The following VIT variants were observed in gnomAD, a reference collection of about 807,000 sequenced individuals.
The protein encoded by VIT is vitrin.
In VIT, 99 loss-of-function variants were observed where a neutral mutation model predicts 78.0. The observed-to-expected ratio is 1.27, with a 90% CI of 1.08 to 1.50. The LOEUF is 1.50. VIT is among the 40% of genes most tolerant of loss of function. The probability of loss-of-function intolerance (pLI) is 0.00; values close to 1 mark genes in which losing one functional copy is unlikely to be tolerated. For missense variants in VIT, 1,126 were observed against 875.3 expected, an observed-to-expected ratio of 1.29 and a Z score of -3.61; for synonymous variants, 374 against 334.3, an observed-to-expected ratio of 1.12 and a Z score of -1.29.
At chr2:36,725,379 C>A (rs1666767208) in intron 2 of VIT, among the ~76,000 whole-genome samples, 1 of 152,074 alleles carries the variant, frequency 6.6e-6, no homozygotes, top group Non-Finnish European at 1.5e-5. Context: ...CTGATGGATT[C>A]AGAGTCTGGT....
Position 36,765,040 on chromosome 2 carries a change from G to T in VIT, c.488-2054G>T, listed in dbSNP as rs144852489. Among the ~76,000 whole-genome samples the T allele has an allele frequency of 2.2e-3, 340 of 152,170 alleles. 1 individual carries two copies. The highest frequency in any genetic ancestry group is 7.9e-3 in the African/African-American group (327 of 41,514). ...GTAGGCTGAAAAACACCCTGGAAAA[G>T]ATATCCATGTCCTAATCCCTGGAAC... is the stretch of plus-strand genomic sequence containing the variant. On this transcript the variant is annotated intron_variant, in intron 6 of 15. Coordinates refer to ENST00000379242, the MANE Select transcript of VIT (RefSeq NM_053276.4).
At chr2:36,698,492 A>G (rs1664811644) in intron 1 of VIT, among the ~76,000 whole-genome samples, 2 of 152,192 alleles carry the variant, frequency 1.3e-5, no homozygotes. Context: ...GCCACTACCT[A>G]TTACCTTGGA....
At chr2:36,701,067 C>A (rs1233451387) in intron 1 of VIT, among the ~76,000 whole-genome samples, 1 of 148,882 alleles carries the variant, frequency 6.7e-6, no homozygotes, top group Non-Finnish European at 1.5e-5. Flanking sequence ...TCTTTGCCAT[C>A]CCTGAAAACA....
At position 36,808,723 on chromosome 2, in the gene VIT, G is replaced by A; in HGVS notation, c.1641G>A (p.Thr547=). 1 of 1,614,150 alleles carries A rather than the reference G, an allele frequency of 6.2e-7. No homozygotes were observed. Among genetic ancestry groups the A allele is most frequent in the Non-Finnish European group, 8.5e-7 (1 of 1,180,046 alleles). The stretch of plus-strand genomic sequence containing the variant: ...AGTTTGAGATTTCCGACACGGACAC[G>A]CGCATCGGGGCCGTGCAGTACACCT... ...TKEFEISDTD[T]RIGAVQYTYE... Residue 547 remains threonine (T), a synonymous_variant, in exon 15 of 16, where the codon ACG becomes ACA. Coordinates refer to ENST00000379242, the MANE Select transcript of VIT (RefSeq NM_053276.4).
intron 12 of VIT, among the ~76,000 whole-genome samples, chr2:36,794,510 G>C (rs1435498185): frequency 6.6e-6 from 1 of 152,094 alleles, no homozygotes; most frequent in Non-Finnish European, 1.5e-5. Context: ...ATATACGCTG[G>C]TCCTGAGACC....
intron 1 of VIT, among the ~76,000 whole-genome samples, chr2:36,703,945 T>TGGAGACTCGCTC: frequency 6.9e-6 from 1 of 144,960 alleles, no homozygotes; most frequent in African/African-American, 2.5e-5. Flanking sequence ...TGTTTTTTTT[T>TGGAGACTCGCTC]TTTGGAGACT....
intron 4 of VIT, among the ~76,000 whole-genome samples, chr2:36,750,474 C>T (rs1046405225): frequency 3.3e-5 from 5 of 152,114 alleles, no homozygotes; most frequent in Admixed American, 2.0e-4. Context: ...TTCACACTTC[C>T]GAGGCAGTAT....
At chr2:36,725,362 C>A (rs1259498461) in intron 2 of VIT, among the ~76,000 whole-genome samples, 1 of 152,114 alleles carries the variant, frequency 6.6e-6, no homozygotes, top group East Asian at 1.9e-4. Flanking sequence ...AGTCCAAGAT[C>A]AGGGTGCTGA....
chr2:36,768,972 C>T (rs947792859), intron 7 of VIT, among the ~76,000 whole-genome samples: 1 of 152,142 alleles, frequency 6.6e-6, no homozygotes, highest in African/African-American at 2.4e-5. Flanking sequence ...AAGAATACCG[C>T]AAAAAGAATT....
chr2:36,714,528 A>G (rs1006473387), intron 1 of VIT, among the ~76,000 whole-genome samples: 3 of 152,134 alleles, frequency 2.0e-5, no homozygotes, highest in African/African-American at 7.2e-5. Flanking sequence ...CCACACAACC[A>G]TGGCACTGGA....
chr2:36,716,545 A>G, intron 2 of VIT, 123 bp downstream of exon 2: 3 of 781,446 alleles, frequency 3.8e-6, no homozygotes, highest in Non-Finnish European at 6.2e-6. Flanking sequence ...ATCATTTTAT[A>G]AGAAACATTT....
intron 12 of VIT, among the ~76,000 whole-genome samples, chr2:36,791,223 G>A (rs1302227608): frequency 1.3e-5 from 2 of 152,108 alleles, no homozygotes; most frequent in Non-Finnish European, 2.9e-5. Flanking sequence ...CTCTGACTTG[G>A]CCGCATCTCC....
At chr2:36,801,250 C>T in intron 12 of VIT, 51 bp from the exon 13 acceptor site, 3 of 1,493,374 alleles carry the variant, frequency 2.0e-6, no homozygotes, top group South Asian at 2.3e-5. Flanking sequence ...TGCCTTCCTC[C>T]AAAGGTATTA....
At chr2:36,782,277 T>C (rs895764588) in intron 10 of VIT, among the ~76,000 whole-genome samples, 2 of 152,160 alleles carry the variant, frequency 1.3e-5, no homozygotes. Context: ...CCTCTGGACT[T>C]GTACTTCTCC....
At chr2:36,724,397 C>A (rs752401252) in intron 2 of VIT, among the ~76,000 whole-genome samples, 1 of 152,196 alleles carries the variant, frequency 6.6e-6, no homozygotes, top group Non-Finnish European at 1.5e-5. Context: ...CTGTCTGCGG[C>A]TTTGCACTTT....
rs1414335833 is a variant in VIT at position 36,796,127 on chromosome 2, AAC to A, written c.1059-5172_1059-5171del. On this transcript the variant is annotated intron_variant, in intron 12 of 15. Transcript: ENST00000379242. The stretch of plus-strand genomic sequence containing the variant: ...TGACTGATTAAAAAAAAAAAAAAAA[AAC>A]ATAGTGGGCAGCATAGTTGTAAGGC... 4.4e-3 allele frequency among the ~76,000 whole-genome samples: 652 copies of A among 147,812 alleles called. 7 individuals are homozygous for A. Among genetic ancestry groups the A allele is most frequent in the African/African-American group, 0.016 (633 of 39,354 alleles).
chr2:36,742,554 T>C (rs540289070), intron 3 of VIT, among the ~76,000 whole-genome samples: 1 of 152,148 alleles, frequency 6.6e-6, no homozygotes, highest in African/African-American at 2.4e-5. Flanking sequence ...ACATCCTACA[T>C]AGAACACAAG....
chr2:36,801,363 C>A lies in VIT; in HGVS notation c.1121C>A (p.Ala374Asp), dbSNP rs1666310997. 6.2e-7 allele frequency: 1 copy of A among 1,613,876 alleles called. No individual in the cohort carries two copies. Among genetic ancestry groups the A allele is most frequent in the Admixed American group, 1.7e-5 (1 of 60,008 alleles). The change falls in exon 13 of 16, where the codon GCC becomes GAC. Residue 374 changes from alanine (A) to aspartate (D), a missense_variant. By Grantham distance (126) the Ala-to-Asp change is moderately radical. Transcript: ENST00000379242. ...THTNSRDLKT[A>D]IEKITQRGGL... Reference sequence around the variant, plus strand: ...ACGAATTCTCGAGATCTGAAGACAGCCATAGAGAAAATTACTCAGAGAGGA... The same window carrying A: ...ACGAATTCTCGAGATCTGAAGACAGACATAGAGAAAATTACTCAGAGAGGA...
Position 36,703,328 on chromosome 2 carries a change from A to T in VIT, c.-19+6355A>T, listed in dbSNP as rs528397384. ...CCCTACCTAGATGCAGAAGAGGAGC[A>T]GGTGGCTCCCCTACCCCCACCCCCC... is the stretch of plus-strand genomic sequence containing the variant. On this transcript the variant is annotated intron_variant, in intron 1 of 15. Transcript: ENST00000379242. Among the ~76,000 whole-genome samples the T allele has an allele frequency of 6.6e-5, 10 of 152,242 alleles. No individual in the cohort carries two copies. The East Asian group carries it at 1.7e-3, about 26-fold the overall frequency.
Sources: gnomAD v4.1 joint callset for allele counts (sites outside exome capture counted in the v4.1 genomes callset) on GRCh38, gnomAD v4.1.1 for gene constraint, MANE v1.5 for transcripts, NCBI Gene and HGNC (gene_info 2026-07-23, HGNC 2026-07-21) for gene names.